The following SUGCT variants were observed in gnomAD, a reference collection of about 807,000 sequenced individuals.
SUGCT encodes the protein succinyl-CoA:glutarate CoA-transferase.
A neutral mutation model predicts 55.0 loss-of-function variants in SUGCT; 41 were observed. That is an observed-to-expected ratio of 0.74 (90% CI 0.58 to 0.97). The LOEUF (loss-of-function observed/expected upper bound fraction) is 0.97, where lower values mean the gene tolerates loss of function less well. Ranked by LOEUF, SUGCT falls within the 50% of genes least tolerant of loss-of-function variation. The probability of loss-of-function intolerance (pLI) is 0.00; values close to 1 mark genes in which losing one functional copy is unlikely to be tolerated. For missense variants in SUGCT, 568 were observed against 547.8 expected, an observed-to-expected ratio of 1.04 and a Z score of -0.37; for synonymous variants, 187 against 200.4, an observed-to-expected ratio of 0.93 and a Z score of 0.56.
intron 9 of SUGCT, among the ~76,000 whole-genome samples, chr7:40,351,541 G>A (rs1257076358): frequency 6.6e-6 from 1 of 152,098 alleles, no homozygotes; most frequent in Non-Finnish European, 1.5e-5. Flanking sequence ...GCCTTTATAA[G>A]CATTATCCCA....
intron 10 of SUGCT, among the ~76,000 whole-genome samples, chr7:40,452,744 T>C (rs1413570143): frequency 6.6e-6 from 1 of 152,202 alleles, no homozygotes; most frequent in Non-Finnish European, 1.5e-5. Context: ...TAGGCCTTGC[T>C]CATGTGCACT....
At chr7:40,543,340 CA>C (rs1372635500) in intron 12 of SUGCT, among the ~76,000 whole-genome samples, 2 of 152,070 alleles carry the variant, frequency 1.3e-5, no homozygotes, top group African/African-American at 2.4e-5. Flanking sequence ...ATATGCAGCT[CA>C]AAAAATGATA....
rs537770901 is a variant in SUGCT, at chr7:40,373,429, T to G, written c.816+56574T>G. On this transcript the variant is annotated intron_variant, in intron 9 of 13. Transcript: ENST00000335693. ...GTATCCTAAAACTTTATAAATTTTATTTTTGAACAGCATTTTAAGATTTAG... is the reference window on the plus strand; with the variant it reads ...GTATCCTAAAACTTTATAAATTTTAGTTTTGAACAGCATTTTAAGATTTAG... Among the ~76,000 whole-genome samples, 295 of 152,074 alleles carry G rather than the reference T, an allele frequency of 1.9e-3. 12 individuals are homozygous for G. In the South Asian group the frequency reaches 0.057, roughly 30 times the overall value.
In SUGCT at chr7:40,484,421, G is replaced by A. The variant is rs1464998063; in HGVS notation, c.987-11863G>A. Among the ~76,000 whole-genome samples the A allele has an allele frequency of 4.6e-5, 7 of 152,170 alleles. No homozygotes were observed. In the South Asian group the frequency reaches 1.0e-3, roughly 23 times the overall value. Reference sequence around the variant, plus strand: ...GAAGTCAGGGATGGGTAGAGCCCAGGCAACACTCCCAGTGCTCCCAAGTGG... The same window carrying A: ...GAAGTCAGGGATGGGTAGAGCCCAGACAACACTCCCAGTGCTCCCAAGTGG... On this transcript the variant is annotated intron_variant, in intron 11 of 13. Coordinates refer to ENST00000335693, the MANE Select transcript of SUGCT (RefSeq NM_001193313.2).
intron 9 of SUGCT, among the ~76,000 whole-genome samples, chr7:40,441,929 T>TG (rs761289017): frequency 1.2e-4 from 18 of 152,052 alleles, no homozygotes; most frequent in African/African-American, 2.7e-4. Flanking sequence ...AGTTTCTGGG[T>TG]GGGGGGTCTC....
At chr7:40,400,411 G>A (rs1288285678) in intron 9 of SUGCT, among the ~76,000 whole-genome samples, 1 of 152,174 alleles carries the variant, frequency 6.6e-6, no homozygotes, top group East Asian at 1.9e-4. Flanking sequence ...GAGCAGGCAG[G>A]TCACATAGCG....
intron 12 of SUGCT, among the ~76,000 whole-genome samples, chr7:40,668,782 C>T (rs1801779243): frequency 6.6e-6 from 1 of 152,126 alleles, no homozygotes; most frequent in Admixed American, 6.6e-5. Flanking sequence ...AGGAAAGGGG[C>T]AGCCTCACAA....
intron 13 of SUGCT, among the ~76,000 whole-genome samples, chr7:40,769,591 C>T (rs1034769016): frequency 6.6e-6 from 1 of 152,190 alleles, no homozygotes; most frequent in Admixed American, 6.5e-5. Flanking sequence ...CCAAGAAATG[C>T]AGGCCATCAC....
chr7:40,819,336 G>A (rs1256333023), intron 13 of SUGCT, among the ~76,000 whole-genome samples: 1 of 152,134 alleles, frequency 6.6e-6, no homozygotes, highest in Non-Finnish European at 1.5e-5. Flanking sequence ...TCACCACACT[G>A]TCTTCCACAA....
intron 12 of SUGCT, among the ~76,000 whole-genome samples, chr7:40,742,219 A>G (rs1787498606): frequency 6.6e-6 from 1 of 152,152 alleles, no homozygotes; most frequent in Non-Finnish European, 1.5e-5. Context: ...ATTAGAGAAA[A>G]TAGGAAAAAG....
intron 9 of SUGCT, among the ~76,000 whole-genome samples, chr7:40,355,842 C>T (rs566781146): frequency 1.4e-4 from 22 of 152,286 alleles, no homozygotes; most frequent in Non-Finnish European, 2.8e-4. Flanking sequence ...TGTCTTTTCA[C>T]GCAGAAAGGT....
intron 12 of SUGCT, among the ~76,000 whole-genome samples, chr7:40,710,127 A>G (rs962818487): frequency 6.6e-6 from 1 of 152,204 alleles, no homozygotes; most frequent in South Asian, 2.1e-4. Context: ...GAATTCCTAG[A>G]TATTGCTCCT....
chr7:40,277,597 C>T (rs1027343523), intron 8 of SUGCT, among the ~76,000 whole-genome samples: 1 of 151,842 alleles, frequency 6.6e-6, no homozygotes, highest in African/African-American at 2.4e-5. Flanking sequence ...CTACAGCTGC[C>T]CCATTCAGAA....
chr7:40,433,890 C>A (rs1471759499), intron 9 of SUGCT, among the ~76,000 whole-genome samples: 5 of 152,130 alleles, frequency 3.3e-5, no homozygotes, highest in Non-Finnish European at 5.9e-5. Flanking sequence ...ATAATAATTA[C>A]TCACACAGAT....
chr7:41,019,748 G>A, the SUGCT span, among the ~76,000 whole-genome samples: 1 of 152,176 alleles, frequency 6.6e-6, no homozygotes, highest in African/African-American at 2.4e-5. Flanking sequence ...TCTGCCTGAT[G>A]GGGGTGTTAT....
At chr7:40,949,674 G>C in the SUGCT span, among the ~76,000 whole-genome samples, 2 of 152,118 alleles carry the variant, frequency 1.3e-5, no homozygotes, top group Non-Finnish European at 2.9e-5. Context: ...TCTACATATG[G>C]CTAGCCAGTT....
At chr7:41,025,692 G>A in the SUGCT span, among the ~76,000 whole-genome samples, 18 of 152,102 alleles carry the variant, frequency 1.2e-4, no homozygotes, top group Non-Finnish European at 2.1e-4. Context: ...AGAATGAGTT[G>A]TGTTAAATAA....
chr7:40,744,752 A>G (rs1266488996), intron 12 of SUGCT, among the ~76,000 whole-genome samples: 1 of 152,214 alleles, frequency 6.6e-6, no homozygotes, highest in African/African-American at 2.4e-5. Context: ...AGTTTTGCTG[A>G]GCAGCACCTG....
intron 11 of SUGCT, among the ~76,000 whole-genome samples, chr7:40,488,332 A>G (rs1411653908): frequency 1.3e-5 from 2 of 152,044 alleles, no homozygotes; most frequent in East Asian, 3.9e-4. Flanking sequence ...ACAATTTTTG[A>G]TTGCAACAAC....
Sources: gnomAD v4.1 joint callset for allele counts (sites outside exome capture counted in the v4.1 genomes callset) on GRCh38, gnomAD v4.1.1 for gene constraint, MANE v1.5 for transcripts, NCBI Gene and HGNC (gene_info 2026-07-23, HGNC 2026-07-21) for gene names.